Variants in CNTNAP2 observed in about 807,000 individuals in gnomAD.
The protein encoded by CNTNAP2 is contactin-associated protein-like 2.
In CNTNAP2, 98 loss-of-function variants were observed where a neutral mutation model predicts 155.2. That is an observed-to-expected ratio of 0.63 (90% CI 0.54 to 0.75). The LOEUF (loss-of-function observed/expected upper bound fraction) is 0.75. CNTNAP2 is among the 30% of genes least tolerant of loss of function. The pLI is 0.00. For missense variants in CNTNAP2, 1,727 were observed against 1,688.1 expected, an observed-to-expected ratio of 1.02 and a Z score of -0.40; for synonymous variants, 651 against 631.2, an observed-to-expected ratio of 1.03 and a Z score of -0.47.
intron 15 of CNTNAP2, among the ~76,000 whole-genome samples, chr7:148,105,221 G>T (rs1804182271): frequency 6.6e-6 from 1 of 152,216 alleles, no homozygotes; most frequent in South Asian, 2.1e-4. Context: ...AGACTGTCTG[G>T]AGGAGGTGGC....
At chr7:147,762,944 G>C (rs1327204854) in intron 13 of CNTNAP2, among the ~76,000 whole-genome samples, 1 of 152,094 alleles carries the variant, frequency 6.6e-6, no homozygotes, top group African/African-American at 2.4e-5. Flanking sequence ...CATCTCAAAA[G>C]TTTGTTGTAT....
chr7:146,638,108 A>G (rs1799629566), intron 1 of CNTNAP2, among the ~76,000 whole-genome samples: 1 of 152,190 alleles, frequency 6.6e-6, no homozygotes, highest in Non-Finnish European at 1.5e-5. Flanking sequence ...GGTTGCTTTT[A>G]TTGAATGTTG....
intron 11 of CNTNAP2, among the ~76,000 whole-genome samples, chr7:147,533,710 C>CAAA (rs762259674): frequency 4.0e-5 from 5 of 124,596 alleles, no homozygotes; most frequent in African/African-American, 1.2e-4. Flanking sequence ...GATCCCATCT[C>CAAA]AAAAAAAAAA....
In CNTNAP2 at chr7:147,126,696, C is replaced by A. The variant is rs1169411199; in HGVS notation, c.940-1997C>A. On this transcript the variant is annotated intron_variant, in intron 6 of 23. Transcript: ENST00000361727. ...CCATGTTGATCAGGCTGGTCTCGAA[C>A]TCCTGATCTCAGGTGATCCACCCGC... Among the ~76,000 whole-genome samples, 7 of 152,306 alleles carry A rather than the reference C, an allele frequency of 4.6e-5. No homozygotes were observed. In the East Asian group the frequency reaches 1.4e-3, roughly 29 times the overall value.
At chr7:147,750,370 T>C (rs1173598242) in intron 13 of CNTNAP2, among the ~76,000 whole-genome samples, 2 of 152,348 alleles carry the variant, frequency 1.3e-5, no homozygotes, top group East Asian at 3.9e-4. Context: ...ATAACATTAA[T>C]CAAAATATGA....
chr7:146,720,891 C>CTATATATATTCTA (rs1801276263), intron 1 of CNTNAP2, among the ~76,000 whole-genome samples: 1 of 133,392 alleles, frequency 7.5e-6, no homozygotes, highest in South Asian at 2.3e-4. Flanking sequence ...TATATACTCT[C>CTATATATATTCTA]TATATATATT....
intron 21 of CNTNAP2, among the ~76,000 whole-genome samples, chr7:148,277,453 C>T (rs912756299): frequency 6.6e-6 from 1 of 152,196 alleles, no homozygotes; most frequent in Middle Eastern, 3.4e-3. Flanking sequence ...CGTCAGCTAT[C>T]AAGCAGTGAG....
At chr7:146,582,840 T>C (rs938067075) in intron 1 of CNTNAP2, among the ~76,000 whole-genome samples, 1 of 150,826 alleles carries the variant, frequency 6.6e-6, no homozygotes, top group Non-Finnish European at 1.5e-5. Flanking sequence ...TTCTAAATAC[T>C]GAGCAGCTCG....
At chr7:148,038,793 AAGAG>A (rs36172246) in intron 15 of CNTNAP2, among the ~76,000 whole-genome samples, 1 of 151,460 alleles carries the variant, frequency 6.6e-6, no homozygotes, top group Admixed American at 6.6e-5. Flanking sequence ...GGCTTCTCCA[AAGAG>A]AGAGAGAGAA....
At chr7:146,545,261 T>A (rs1195380751) in intron 1 of CNTNAP2, among the ~76,000 whole-genome samples, 1 of 151,944 alleles carries the variant, frequency 6.6e-6, no homozygotes, top group East Asian at 1.9e-4. Context: ...AAGTGTAGGA[T>A]GACAGAATTG....
intron 13 of CNTNAP2, chr7:147,643,312 TC>T (rs1795315833): frequency 2.6e-5 from 4 of 152,310 alleles, no homozygotes; most frequent in Admixed American, 6.5e-5. Context: ...GATATACCAG[TC>T]TCTAAATATC....
At chr7:146,492,576 G>A (rs78099945) in intron 1 of CNTNAP2, among the ~76,000 whole-genome samples, 25 of 152,184 alleles carry the variant, frequency 1.6e-4, no homozygotes, top group East Asian at 9.7e-4. Context: ...CAACTTGTAC[G>A]CAACTCTAAG....
At chr7:146,927,911 T>A (rs1585162051) in intron 3 of CNTNAP2, among the ~76,000 whole-genome samples, 1 of 150,992 alleles carries the variant, frequency 6.6e-6, no homozygotes, top group African/African-American at 2.4e-5. Context: ...TGTATACATA[T>A]GTATATATAG....
At chr7:146,303,977 A>C (rs1437745196) in intron 1 of CNTNAP2, among the ~76,000 whole-genome samples, 1 of 151,976 alleles carries the variant, frequency 6.6e-6, no homozygotes, top group Admixed American at 6.6e-5. Flanking sequence ...TATATTTAGG[A>C]TAGTTAGCTC....
chr7:147,452,926 T>G (rs1797858042), intron 10 of CNTNAP2, among the ~76,000 whole-genome samples: 2 of 106,832 alleles, frequency 1.9e-5, no homozygotes, highest in African/African-American at 3.7e-5. Context: ...CTAGAAAAAA[T>G]AGAATGGGAG....
At chr7:147,652,215 C>A (rs899115714) in intron 13 of CNTNAP2, among the ~76,000 whole-genome samples, 1 of 152,168 alleles carries the variant, frequency 6.6e-6, no homozygotes, top group South Asian at 2.1e-4. Context: ...TTTACCAACA[C>A]CAGTGGCTGG....
chr7:147,745,661 G>A (rs78741472), intron 13 of CNTNAP2, among the ~76,000 whole-genome samples: 4,806 of 152,256 alleles, frequency 0.032, 244 homozygotes, highest in African/African-American at 0.11. Flanking sequence ...CGAGAAATGT[G>A]ACTATAATGA....
chr7:146,668,449 TGTGTG>T (rs1800238843), intron 1 of CNTNAP2, among the ~76,000 whole-genome samples: 1 of 150,696 alleles, frequency 6.6e-6, no homozygotes, highest in African/African-American at 2.4e-5. Flanking sequence ...TGTGTGTGTG[TGTGTG>T]TGTGTGTGTG....
intron 1 of CNTNAP2, among the ~76,000 whole-genome samples, chr7:146,555,899 G>T (rs1798191560): frequency 6.6e-6 from 1 of 152,102 alleles, no homozygotes; most frequent in Non-Finnish European, 1.5e-5. Context: ...TCTTCTAACA[G>T]AAGTGTTACA....
Sources: allele counts gnomAD v4.1 joint callset (sites outside exome capture counted in the v4.1 genomes callset), GRCh38; gene constraint gnomAD v4.1.1; transcripts MANE v1.5; gene names NCBI Gene and HGNC (gene_info 2026-07-23, HGNC 2026-07-21).